Variants in LAMP5 observed in about 807,000 individuals in gnomAD.
LAMP5 encodes the protein lysosome-associated membrane glycoprotein 5.
LAMP5 carries 36 observed loss-of-function variants against 30.2 expected under a neutral mutation model. The observed-to-expected ratio is 1.19, with a 90% CI of 0.91 to 1.57. The LOEUF is 1.57. Among genes scored for constraint, LAMP5 ranks in the 40% most tolerant of loss-of-function variants. The pLI is 0.00. For synonymous variants in LAMP5, 149 were observed against 134.6 expected (o/e 1.11, Z -0.74); for missense variants, 377 against 354.9 (o/e 1.06, Z -0.50).
Position 9,529,912 on chromosome 20 carries a change from C to T in LAMP5, c.*92C>T, listed in dbSNP as rs2045139430. 4 of 1,270,544 alleles carry T rather than the reference C, an allele frequency of 3.1e-6. No homozygotes were observed. The Admixed American group carries it at 5.7e-5, about 18-fold the overall frequency. 78.7% of individuals were successfully genotyped at this position (1,270,544 alleles called of 1,614,324 possible). A position where few individuals can be genotyped will look rare whatever the true frequency, so the allele number is the denominator to read the frequency against. Reference sequence around the variant, plus strand: ...TTTTCCATCTTGTACACGAGATACACCAACATAGCTACAATCAAACAGGCC... The same window carrying T: ...TTTTCCATCTTGTACACGAGATACATCAACATAGCTACAATCAAACAGGCC... On this transcript the variant is annotated 3_prime_UTR_variant, in exon 6 of 6. Transcript: ENST00000246070.
In LAMP5 at chr20:9,515,436, T is replaced by A. The variant is rs2232261; in HGVS notation, c.65-17T>A. 2.4e-3 allele frequency: 3,903 copies of A among 1,609,870 alleles called. 77 individuals are homozygous for A. The African/African-American group carries it at 0.046, about 19-fold the overall frequency. On this transcript the variant is annotated splice_polypyrimidine_tract_variant and intron_variant, in intron 1 of 5. Transcript: ENST00000246070. Reference sequence around the variant, plus strand: ...GCTGAGCCCTGAACTGATGGAATTGTTTTGTTTGTTCCGCAGATACAATGG... The same window carrying A: ...GCTGAGCCCTGAACTGATGGAATTGATTTGTTTGTTCCGCAGATACAATGG...
chr20:9,529,618 T>C (rs1447690144), intron 5 of LAMP5, 24 bp from the exon 6 acceptor site: 5 of 1,608,506 alleles, frequency 3.1e-6, no homozygotes, highest in Non-Finnish European at 4.3e-6. Flanking sequence ...CAGAGCTCTC[T>C]GCTTTTCTTC....
intron 5 of LAMP5, among the ~76,000 whole-genome samples, chr20:9,523,983 T>C (rs935888513): frequency 1.3e-5 from 2 of 152,262 alleles, no homozygotes; most frequent in African/African-American, 4.8e-5. Context: ...GCATTTTCTT[T>C]GTTTATAAAT....
intron 5 of LAMP5, among the ~76,000 whole-genome samples, chr20:9,519,194 A>C (rs752178204): frequency 1.9e-4 from 29 of 152,180 alleles, no homozygotes; most frequent in Non-Finnish European, 2.5e-4. Context: ...ATTAAATTTT[A>C]TATTCTGTTT....
intron 5 of LAMP5, among the ~76,000 whole-genome samples, chr20:9,519,281 T>G (rs1448156866): frequency 6.6e-6 from 1 of 152,210 alleles, no homozygotes; most frequent in Non-Finnish European, 1.5e-5. Context: ...GACCCCCAGG[T>G]GAATACAACA....
At chr20:9,520,648 A>C (rs2045073964) in intron 5 of LAMP5, among the ~76,000 whole-genome samples, 1 of 151,988 alleles carries the variant, frequency 6.6e-6, no homozygotes, top group Non-Finnish European at 1.5e-5. Context: ...TGTCAAGCAC[A>C]GCATAATGGT....
chr20:9,527,957 C>T (rs773620972), intron 5 of LAMP5, among the ~76,000 whole-genome samples: 24 of 152,200 alleles, frequency 1.6e-4, no homozygotes, highest in Non-Finnish European at 2.9e-4. Flanking sequence ...AAGCTCTACA[C>T]TTACTTAAAA....
intron 4 of LAMP5, among the ~76,000 whole-genome samples, chr20:9,517,639 T>TGTGTGTGTGTGTGTG (rs1474402891): frequency 1.1e-5 from 1 of 89,668 alleles, no homozygotes; most frequent in Non-Finnish European, 2.3e-5. Context: ...GTGTGTGTAT[T>TGTGTGTGTGTGTGTG]TGTAGAGACA....
At chr20:9,526,259 A>C (rs551318242) in intron 5 of LAMP5, among the ~76,000 whole-genome samples, 1 of 152,318 alleles carries the variant, frequency 6.6e-6, no homozygotes, top group Admixed American at 6.5e-5. Context: ...ATTTCTTCTT[A>C]ATATTTTAAA....
chr20:9,518,118 A>G lies in LAMP5; in HGVS notation c.554A>G (p.Gln185Arg), dbSNP rs367768327. Residue 185 changes from glutamine (Q) to arginine (R), a missense_variant, in exon 5 of 6, where the codon CAA becomes CGA. Gln to Arg is a conservative substitution (Grantham distance 43, BLOSUM62 1). Coordinates refer to ENST00000246070, the MANE Select transcript of LAMP5 (RefSeq NM_012261.4). The part of the protein sequence containing the change: ...PAGKSYECQA[Q>R]QTISLASSDP... ...GGGAAGTCCTATGAGTGTCAAGCTC[A>G]ACAAACCATTTCACTGGCCTCTAGT... 1.2e-6 allele frequency: 2 copies of G among 1,614,196 alleles called. No homozygotes were observed. Among genetic ancestry groups the G allele is most frequent in the Admixed American group, 1.7e-5 (1 of 60,026 alleles).
In LAMP5 at chr20:9,514,884, T is replaced by C; in HGVS notation, c.32T>C (p.Ile11Thr). MDLQGRGVPS[I>T]DRLRVLLMLF... ...CTCCAAGGAAGAGGGGTCCCCAGCA[T>C]CGACAGACTTCGAGTTCTCCTGATG... Residue 11 changes from isoleucine (I) to threonine (T), a missense_variant, in exon 1 of 6, where the codon ATC becomes ACC. Coordinates refer to ENST00000246070, the MANE Select transcript of LAMP5 (RefSeq NM_012261.4). The C allele has an allele frequency of 1.2e-6, 2 of 1,614,124 alleles. No homozygotes were observed. The highest frequency in any genetic ancestry group is 8.5e-7 in the Non-Finnish European group (1 of 1,180,032).
In LAMP5 at chr20:9,514,758, G is replaced by T. The variant is rs1323214866; in HGVS notation, c.-95G>T. On this transcript the variant is annotated 5_prime_UTR_variant, in exon 1 of 6. Coordinates refer to ENST00000246070, the MANE Select transcript of LAMP5 (RefSeq NM_012261.4). ...CCCCCTTCTCTGTCCCCCGCCTCTCGCTCACCCCGGCCCACTCCAGCGGCG... is the reference window on the plus strand; with the variant it reads ...CCCCCTTCTCTGTCCCCCGCCTCTCTCTCACCCCGGCCCACTCCAGCGGCG... 45 of 1,098,180 alleles carry T rather than the reference G, an allele frequency of 4.1e-5. No individual in the cohort carries two copies. In the Admixed American group the frequency reaches 8.3e-4, roughly 20 times the overall value. 68.0% of individuals were successfully genotyped at this position (1,098,180 alleles called of 1,614,324 possible).
At chr20:9,520,125 A>G (rs1264153735) in intron 5 of LAMP5, among the ~76,000 whole-genome samples, 1 of 152,238 alleles carries the variant, frequency 6.6e-6, no homozygotes, top group Non-Finnish European at 1.5e-5. Flanking sequence ...GTTTGTAACT[A>G]CATATAACTT....
intron 5 of LAMP5, among the ~76,000 whole-genome samples, chr20:9,527,930 A>G (rs913533389): frequency 1.3e-5 from 2 of 152,176 alleles, no homozygotes; most frequent in Admixed American, 1.3e-4. Flanking sequence ...TGAGATGTTC[A>G]TTTGTAAAAA....
At chr20:9,520,028 T>C (rs1421739623) in intron 5 of LAMP5, among the ~76,000 whole-genome samples, 2 of 152,240 alleles carry the variant, frequency 1.3e-5, no homozygotes, top group African/African-American at 4.8e-5. Flanking sequence ...ATTCATTGCA[T>C]GGAGTAAATG....
intron 4 of LAMP5, among the ~76,000 whole-genome samples, chr20:9,517,518 G>C (rs1362906133): frequency 6.6e-6 from 1 of 151,804 alleles, no homozygotes; most frequent in African/African-American, 2.4e-5. Context: ...GATCACCACA[G>C]CCTGGAGTAA....
In LAMP5 at chr20:9,529,796, A is replaced by G; in HGVS notation, c.819A>G (p.Arg273=). ...ACCAGGTGCAGATCCCTCGGGACAG[A>G]TCCCAGTATAAGCACATGGGCTAGA... The part of the protein sequence containing the change: ...TANQVQIPRD[R]SQYKHMG The change falls in exon 6 of 6, where the codon AGA becomes AGG. Residue 273 remains arginine (R), a synonymous_variant. Coordinates refer to ENST00000246070, the MANE Select transcript of LAMP5 (RefSeq NM_012261.4). 6.2e-7 allele frequency: 1 copy of G among 1,614,180 alleles called. No individual in the cohort carries two copies. The highest frequency in any genetic ancestry group is 1.1e-5 in the South Asian group (1 of 91,076).
rs201494569 is a variant in LAMP5 at position 9,516,220 on chromosome 20, C to T, written c.370-36C>T. On this transcript the variant is annotated intron_variant, in intron 3 of 5. Coordinates refer to ENST00000246070, the MANE Select transcript of LAMP5 (RefSeq NM_012261.4). The stretch of plus-strand genomic sequence containing the variant: ...CCTAGGTTTAAGAACCCAGACGCTG[C>T]GGGGACGATTGAAGCGCACCTCCCC... 1,946 of 1,612,480 alleles carry T rather than the reference C, an allele frequency of 1.2e-3. 2 individuals are homozygous for T. The highest frequency in any genetic ancestry group is 1.5e-3 in the Non-Finnish European group (1,812 of 1,178,668).
chr20:9,515,860 C>G, intron 2 of LAMP5, 140 bp from the exon 3 acceptor site: 1 of 1,059,404 alleles, frequency 9.4e-7, no homozygotes, highest in South Asian at 1.9e-5. Flanking sequence ...GAGCATCTAA[C>G]CGCATGTTCC....
Sources: allele counts gnomAD v4.1 joint callset (sites outside exome capture counted in the v4.1 genomes callset), GRCh38; gene constraint gnomAD v4.1.1; transcripts MANE v1.5; gene names NCBI Gene and HGNC (gene_info 2026-07-23, HGNC 2026-07-21).